The following COL2A1 variants were observed in gnomAD, a reference collection of about 807,000 sequenced individuals.
The protein encoded by COL2A1 is collagen alpha-1(II) chain.
Under a neutral mutation model 204.5 loss-of-function variants are expected in COL2A1, and 28 were observed. The ratio of observed to expected loss-of-function variants is 0.14; its 90% CI spans 0.10 to 0.19. COL2A1 has a LOEUF of 0.19. Ranked by LOEUF, COL2A1 falls within the 10% of genes least tolerant of loss-of-function variation. The pLI, the probability that COL2A1 is intolerant of heterozygous loss-of-function variation, is 1.00. For missense variants in COL2A1, 1,388 were observed against 2,027.5 expected (o/e 0.68, Z 6.06); for synonymous variants, 708 against 718.7 (o/e 0.99, Z 0.24).
At chr12:47,996,472 G>A (rs1177630687) in intron 8 of COL2A1, 76 bp downstream of exon 8, 9 of 1,168,920 alleles carry the variant, frequency 7.7e-6, no homozygotes. Flanking sequence ...GTAAAGCAGA[G>A]GTTGTCAGAC....
rs2136508378 is a variant in COL2A1 at position 47,974,755 on chromosome 12, G to T, written c.3994C>A (p.Pro1332Thr). The T allele has an allele frequency of 1.2e-6, 2 of 1,614,186 alleles. No individual in the cohort carries two copies. Among genetic ancestry groups the T allele is most frequent in the Non-Finnish European group, 1.7e-6 (2 of 1,180,042 alleles). Residue 1332 changes from proline (P) to threonine (T), a missense_variant, in exon 52 of 54, where the codon CCC becomes ACC. Physicochemically the swap from Pro to Thr is conservative, Grantham distance 38 (BLOSUM62 -1). This residue lies in a region of COL2A1 where 303 missense variants were observed against 369.2 expected (regional missense o/e 0.82). Transcript: ENST00000380518. ...TTGCTGCTCCACCAGTTCTTCTTGG[G>T]AACGTTTGCTGGATTGGGGTAGACG... is the stretch of plus-strand genomic sequence containing the variant. Reference protein sequence around the residue: ...TCVYPNPANVPKKNWWSSKSK... With the variant: ...TCVYPNPANVTKKNWWSSKSK...
At chr12:47,998,773 C>G (rs1940089845) in intron 2 of COL2A1, 3 of 292,088 alleles carry the variant, frequency 1.0e-5, no homozygotes, top group South Asian at 1.0e-4. Flanking sequence ...TCTCTCTTCC[C>G]CCCACAGGGT....
At chr12:47,982,679 G>C in intron 33 of COL2A1, 70 bp from the exon 34 acceptor site, 1 of 1,319,712 alleles carries the variant, frequency 7.6e-7, no homozygotes. Flanking sequence ...CATGGAGCCT[G>C]GGTAACCAGG....
At position 47,980,010 on chromosome 12, in the gene COL2A1, G is replaced by A. The variant is rs1394353561; in HGVS notation, c.2678C>T (p.Pro893Leu). Residue 893 changes from proline to leucine, a missense_variant and splice_region_variant, in exon 40 of 54, where the codon CCG becomes CTG. Pro to Leu is a moderately conservative substitution (Grantham distance 98). Coordinates refer to ENST00000380518, the MANE Select transcript of COL2A1 (RefSeq NM_001844.5). This position sits in a 1 kb window ranked among gnomAD's most constrained non-coding sequence, Gnocchi z 4.5. ...PKGARGAQGPPGATGFPGAAG... is the reference protein window; with the variant it reads ...PKGARGAQGPLGATGFPGAAG... Reference sequence around the variant, plus strand: ...TGGGGTGTCAGAGGCCTCACTCACCGGGGGGCCTTGGGCACCTCGGGCTCC... The same window carrying A: ...TGGGGTGTCAGAGGCCTCACTCACCAGGGGGCCTTGGGCACCTCGGGCTCC... 17 of 1,553,558 alleles carry A rather than the reference G, an allele frequency of 1.1e-5. No homozygotes were observed. Among genetic ancestry groups the A allele is most frequent in the Admixed American group, 3.9e-5 (2 of 51,628 alleles).
Position 47,982,626 on chromosome 12 carries a change from G to T in COL2A1, c.2194-17C>A. ...AGATGCACCCTGGGGAGGGAGGTAA[G>T]AGGGAGTCTGTAGTGGACAGCACCT... On this transcript the variant is annotated splice_polypyrimidine_tract_variant and intron_variant, in intron 33 of 53. Coordinates refer to ENST00000380518, the MANE Select transcript of COL2A1 (RefSeq NM_001844.5). 6.3e-7 allele frequency: 1 copy of T among 1,581,338 alleles called. No homozygotes were observed.
intron 52 of COL2A1, 35 bp downstream of exon 52, chr12:47,974,640 T>C (rs1366524718): frequency 1.8e-5 from 29 of 1,602,092 alleles, no homozygotes; most frequent in Non-Finnish European, 2.5e-5. Flanking sequence ...TGAGGAGCCA[T>C]CTCTGCTCAT....
At position 47,978,889 on chromosome 12, in the gene COL2A1, G is replaced by A; in HGVS notation, c.2734-131C>T. 1 of 938,788 alleles carries A rather than the reference G, an allele frequency of 1.1e-6. No homozygotes were observed. Among genetic ancestry groups the A allele is most frequent in the Non-Finnish European group, 1.7e-6 (1 of 602,080 alleles). The allele number at this position is 938,788 out of a possible 1,614,324, so 58.2% of individuals were successfully genotyped here. The stretch of plus-strand genomic sequence containing the variant: ...CTCTACCTCCCCACACTAAGGGCAG[G>A]CAGCTTAACCCCCCCAACCCCAATC... On this transcript the variant is annotated intron_variant, in intron 41 of 53. Coordinates refer to ENST00000380518, the MANE Select transcript of COL2A1 (RefSeq NM_001844.5). This position sits in a 1 kb window ranked among gnomAD's most constrained non-coding sequence, Gnocchi z 5.5.
rs2276459 is a variant in COL2A1, at chr12:47,975,540, G to A, written c.3663C>T (p.Ser1221=). The A allele has an allele frequency of 6.5e-5, 105 of 1,606,620 alleles. No individual in the cohort carries two copies. The East Asian group carries it at 2.0e-3, about 31-fold the overall frequency. Residue 1221 remains serine, a synonymous_variant, in exon 51 of 54, where the codon TCC becomes TCT. Transcript: ENST00000380518. ...PGPPGPGIDM[S]AFAGLGPREK... ...CTCTCGGGCCTAAGCCAGCAAAGGCGGACATGTCGATGCCAGGGCCAGGGG... is the reference window on the plus strand; with the variant it reads ...CTCTCGGGCCTAAGCCAGCAAAGGCAGACATGTCGATGCCAGGGCCAGGGG...
intron 29 of COL2A1, 38 bp downstream of exon 29, chr12:47,984,048 GC>G: frequency 6.3e-7 from 1 of 1,582,020 alleles, no homozygotes; most frequent in Non-Finnish European, 8.6e-7. Context: ...CCCAGCCCCT[GC>G]CCCCAGGGCC....
chr12:47,981,905 C>T lies in COL2A1; in HGVS notation c.2356-76G>A, dbSNP rs553913130. 2.0e-4 allele frequency: 293 copies of T among 1,469,202 alleles called. No homozygotes were observed. In the East Asian group the frequency reaches 2.2e-3, roughly 11 times the overall value. The allele number at this position is 1,469,202 out of a possible 1,614,324, so 91.0% of individuals were successfully genotyped here. A position where few individuals can be genotyped will look rare whatever the true frequency, so the allele number is the denominator to read the frequency against. On this transcript the variant is annotated intron_variant, in intron 35 of 53. Transcript: ENST00000380518. ...ACGTGCGGCCCGGCACCAAGCCAAC[C>T]TTGGTGCGTGCTCCCACCGCCTCCA... is the stretch of plus-strand genomic sequence containing the variant.
chr12:47,983,148 A>C lies in COL2A1; in HGVS notation c.2050-11T>G. 7 of 1,613,210 alleles carry C rather than the reference A, an allele frequency of 4.3e-6. No homozygotes were observed. Among genetic ancestry groups the C allele is most frequent in the Non-Finnish European group, 5.9e-6 (7 of 1,179,616 alleles). On this transcript the variant is annotated splice_polypyrimidine_tract_variant and intron_variant, in intron 31 of 53. Transcript: ENST00000380518. ...TTCACCGGGAACACCCTGGAGAACAAAGAAAGATGTGTGAGAGTGAAGGCT... is the reference window on the plus strand; with the variant it reads ...TTCACCGGGAACACCCTGGAGAACACAGAAAGATGTGTGAGAGTGAAGGCT...
In COL2A1 at chr12:47,980,618, G is replaced by T. The variant is rs1449303223; in HGVS notation, c.2561C>A (p.Ala854Asp). 6.2e-7 allele frequency: 1 copy of T among 1,612,854 alleles called. No individual in the cohort carries two copies. The highest frequency in any genetic ancestry group is 1.7e-5 in the Admixed American group (1 of 59,942). ...QPGAKGEQGE[A>D]GQKGDAGAPG... Reference sequence around the variant, plus strand: ...GGCACCAGCATCGCCTTTCTGGCCGGCCTCTCCTTGCTCACCCTTGGCCCC... The same window carrying T: ...GGCACCAGCATCGCCTTTCTGGCCGTCCTCTCCTTGCTCACCCTTGGCCCC... Residue 854 changes from alanine to aspartate, a missense_variant, in exon 39 of 54, where the codon GCC (alanine) becomes GAC (aspartate). By Grantham distance (126) the Ala-to-Asp change is moderately radical. This residue lies in a region of COL2A1 where 884 missense variants were observed against 1,415.8 expected (regional missense o/e 0.62). Coordinates refer to ENST00000380518, the MANE Select transcript of COL2A1 (RefSeq NM_001844.5). This position sits in a 1 kb window ranked among gnomAD's most constrained non-coding sequence, Gnocchi z 4.5.
intron 53 of COL2A1, 33 bp downstream of exon 53, chr12:47,974,056 C>A: frequency 6.2e-7 from 1 of 1,614,084 alleles, no homozygotes; most frequent in East Asian, 2.2e-5. Context: ...GGTTTGGGCA[C>A]AGGCAGCTCT....
chr12:47,997,921 G>T lies in COL2A1; in HGVS notation c.379C>A (p.Pro127Thr). 6.2e-7 allele frequency: 1 copy of T among 1,614,134 alleles called. No homozygotes were observed. Among genetic ancestry groups the T allele is most frequent in the Non-Finnish European group, 8.5e-7 (1 of 1,180,040 alleles). Residue 127 changes from proline (P) to threonine (T), a missense_variant, in exon 6 of 54, where the codon CCT becomes ACT. Coordinates refer to ENST00000380518, the MANE Select transcript of COL2A1 (RefSeq NM_001844.5). ...CCTCTGGGTCCTTGTTCCCCTGCAG[G>T]TCCCTGAAGGTGAAGAACATGGTAA... ...GPKGPPGPQG[P>T]AGEQGPRGDR...
intron 27 of COL2A1, 149 bp from the exon 28 acceptor site, chr12:47,984,748 C>T (rs1341898414): frequency 3.6e-6 from 3 of 832,840 alleles, no homozygotes; most frequent in Non-Finnish European, 6.0e-6. Context: ...TGTTCAGGGG[C>T]CATAATGGCA....
In COL2A1 at chr12:47,973,988, T is replaced by G; in HGVS notation, c.4317+101A>C. On this transcript the variant is annotated intron_variant, in intron 53 of 53. Coordinates refer to ENST00000380518, the MANE Select transcript of COL2A1 (RefSeq NM_001844.5). ...ACCCTCAAACTCATGCCTCTGATGA[T>G]CCTGTCACTTTAGGACCTGACAGCT... is the stretch of plus-strand genomic sequence containing the variant. The G allele has an allele frequency of 4.5e-6, 7 of 1,551,340 alleles. No homozygotes were observed. The South Asian group carries it at 6.8e-5, about 15-fold the overall frequency.
Position 48,004,365 on chromosome 12 carries a change from A to C in COL2A1, c.-44T>G, listed in dbSNP as rs904417360. On this transcript the variant is annotated 5_prime_UTR_variant, in exon 1 of 54. Coordinates refer to ENST00000380518, the MANE Select transcript of COL2A1 (RefSeq NM_001844.5). ...GCTGAGCCGGGCCCGGGCGGAGCGCAGCGAAACGGCAGGAGCACGGCGCGG... is the reference window on the plus strand; with the variant it reads ...GCTGAGCCGGGCCCGGGCGGAGCGCCGCGAAACGGCAGGAGCACGGCGCGG... 1 of 1,270,548 alleles carries C rather than the reference A, an allele frequency of 7.9e-7. No individual in the cohort carries two copies. Among genetic ancestry groups the C allele is most frequent in the Non-Finnish European group, 1.1e-6 (1 of 895,606 alleles). The allele number at this position is 1,270,548 out of a possible 1,614,324, so 78.7% of individuals were successfully genotyped here.
intron 40 of COL2A1, 138 bp from the exon 41 acceptor site, chr12:47,979,702 G>A: frequency 2.4e-6 from 2 of 841,328 alleles, no homozygotes; most frequent in Non-Finnish European, 3.9e-6. Flanking sequence ...GGGATCCAGG[G>A]AGGGAGAAAG....
chr12:47,987,155 C>T lies in COL2A1; in HGVS notation c.1288G>A (p.Ala430Thr). The change falls in exon 21 of 54, where the codon GCT becomes ACT. Residue 430 changes from alanine (A) to threonine (T), a missense_variant. Ala to Thr is a moderately conservative substitution (Grantham distance 58). Coordinates refer to ENST00000380518, the MANE Select transcript of COL2A1 (RefSeq NM_001844.5). The surrounding 1 kb of genome is among the most constrained non-coding windows in gnomAD (Gnocchi z 4.1). ...CCCCGTGGCCCAGGGAAGCCAGGAG[C>T]ACCAGCAATGCCAGGAGCACCCTGT... ...GSAGAPGIAG[A>T]PGFPGPRGPP... 1 of 1,614,062 alleles carries T rather than the reference C, an allele frequency of 6.2e-7. No individual in the cohort carries two copies.
Sources: allele counts gnomAD v4.1 joint callset, GRCh38; gene constraint gnomAD v4.1.1; regional missense constraint gnomAD v4.1.1; non-coding constraint Gnocchi (gnomAD v3.1); transcripts MANE v1.5; gene names NCBI Gene and HGNC (gene_info 2026-07-23, HGNC 2026-07-21).